Variants in MAGI1 observed in about 807,000 individuals in gnomAD.
The protein encoded by MAGI1 is membrane-associated guanylate kinase, WW and PDZ domain-containing protein 1.
In MAGI1, 58 loss-of-function variants were observed where a neutral mutation model predicts 139.9. The observed-to-expected ratio is 0.41, with a 90% CI of 0.34 to 0.52. MAGI1 has a LOEUF of 0.52. MAGI1 is among the 20% of genes least tolerant of loss of function. The probability of loss-of-function intolerance (pLI) is 0.12; values close to 1 mark genes in which losing one functional copy is unlikely to be tolerated. For missense variants in MAGI1, 1,874 were observed against 1,901.6 expected (o/e 0.99, Z 0.27); for synonymous variants, 812 against 737.9 (o/e 1.10, Z -1.63).
chr3:65,494,754 A>G (rs1191253486), intron 2 of MAGI1, among the ~76,000 whole-genome samples: 2 of 152,260 alleles, frequency 1.3e-5, no homozygotes, highest in African/African-American at 2.4e-5. Flanking sequence ...AGCACTGTGC[A>G]GTCTCTGATC....
At chr3:65,869,210 C>T (rs368667416) in intron 1 of MAGI1, among the ~76,000 whole-genome samples, 86 of 145,298 alleles carry the variant, frequency 5.9e-4, no homozygotes, top group African/African-American at 2.0e-3. Context: ...GAGCCGAGAT[C>T]GCGCCACTGC....
intron 1 of MAGI1, among the ~76,000 whole-genome samples, chr3:66,026,566 T>C (rs145427379): frequency 1.3e-5 from 2 of 151,528 alleles, no homozygotes; most frequent in East Asian, 1.9e-4. Context: ...AATAAGGATG[T>C]TGCCTTCAAG....
chr3:65,811,855 T>C (rs1411742696), intron 1 of MAGI1, among the ~76,000 whole-genome samples: 1 of 152,178 alleles, frequency 6.6e-6, no homozygotes, highest in Admixed American at 6.5e-5. Context: ...AGCTAGTCAT[T>C]ACCAGCTAGT....
intron 2 of MAGI1, among the ~76,000 whole-genome samples, chr3:65,510,108 G>C (rs371179460): frequency 6.6e-6 from 1 of 152,240 alleles, no homozygotes; most frequent in South Asian, 2.1e-4. Context: ...CTGTTAGAAG[G>C]AAAACTAACA....
chr3:65,597,852 C>T, intron 2 of MAGI1: 3 of 455,252 alleles, frequency 6.6e-6, no homozygotes, highest in Non-Finnish European at 1.3e-5. Context: ...TTAATCCTTC[C>T]CTTTGTGAGC....
At chr3:65,400,032 C>T (rs373837887) in intron 13 of MAGI1, among the ~76,000 whole-genome samples, 4 of 152,182 alleles carry the variant, frequency 2.6e-5, no homozygotes, top group East Asian at 1.9e-4. Context: ...AAGGAGGGTT[C>T]GTGCTAACTC....
intron 1 of MAGI1, among the ~76,000 whole-genome samples, chr3:66,028,663 C>A (rs1443490635): frequency 6.6e-6 from 1 of 152,148 alleles, no homozygotes; most frequent in Non-Finnish European, 1.5e-5. Flanking sequence ...TCCCTCCACA[C>A]TACCACAACC....
intron 5 of MAGI1, among the ~76,000 whole-genome samples, chr3:65,469,222 T>C (rs1447472969): frequency 1.3e-5 from 2 of 152,206 alleles, no homozygotes; most frequent in African/African-American, 4.8e-5. Flanking sequence ...ATCCTTCTCA[T>C]AGTTTTCTGC....
At chr3:65,909,365 A>G (rs1180971820) in intron 1 of MAGI1, among the ~76,000 whole-genome samples, 2 of 151,868 alleles carry the variant, frequency 1.3e-5, no homozygotes, top group Non-Finnish European at 2.9e-5. Flanking sequence ...ATCTCTACAA[A>G]AAAAAAAAAA....
chr3:65,869,407 T>C (rs931570554), intron 1 of MAGI1, among the ~76,000 whole-genome samples: 2 of 142,790 alleles, frequency 1.4e-5, no homozygotes, highest in Non-Finnish European at 3.1e-5. Flanking sequence ...GTTGTTGTTG[T>C]TGTTGTTGTT....
At chr3:66,016,941 G>C (rs1258132153) in intron 1 of MAGI1, among the ~76,000 whole-genome samples, 1 of 152,112 alleles carries the variant, frequency 6.6e-6, no homozygotes, top group Non-Finnish European at 1.5e-5. Flanking sequence ...ATCTGGAGTA[G>C]TCAAATTCAC....
At chr3:65,447,128 T>TA (rs1231479534) in intron 7 of MAGI1, among the ~76,000 whole-genome samples, 1 of 152,214 alleles carries the variant, frequency 6.6e-6, no homozygotes, top group African/African-American at 2.4e-5. Context: ...ATCTTCTACT[T>TA]AAACAATCTT....
At chr3:65,359,351 T>C in intron 22 of MAGI1, 1 of 1,370,418 alleles carries the variant, frequency 7.3e-7, no homozygotes, top group Non-Finnish European at 9.4e-7. Flanking sequence ...GAGACCGCAA[T>C]CGGAACAGTG....
intron 1 of MAGI1, among the ~76,000 whole-genome samples, chr3:65,699,639 A>G (rs1268285991): frequency 6.7e-6 from 1 of 148,692 alleles, no homozygotes; most frequent in Non-Finnish European, 1.5e-5. Context: ...AAAAAACCAA[A>G]CACCTCATAT....
At chr3:66,025,527 G>C (rs1432705372) in intron 1 of MAGI1, among the ~76,000 whole-genome samples, 1 of 152,078 alleles carries the variant, frequency 6.6e-6, no homozygotes, top group Non-Finnish European at 1.5e-5. Flanking sequence ...GAGAAGTAAG[G>C]CTCTGTCTCA....
intron 1 of MAGI1, among the ~76,000 whole-genome samples, chr3:65,688,713 A>G (rs959220822): frequency 2.0e-5 from 3 of 152,198 alleles, no homozygotes; most frequent in African/African-American, 7.2e-5. Flanking sequence ...TATGACATTC[A>G]TCTACAATGA....
intron 1 of MAGI1, among the ~76,000 whole-genome samples, chr3:65,780,031 A>G (rs1388048544): frequency 2.3e-5 from 3 of 130,698 alleles, no homozygotes; most frequent in Admixed American, 7.8e-5. Flanking sequence ...TTGGGGGGGG[A>G]AGGGCAGGGG....
intron 8 of MAGI1, among the ~76,000 whole-genome samples, chr3:65,440,824 CATGTATACATATACATATATACAT>C (rs1159280295): frequency 6.4e-5 from 8 of 125,964 alleles, no homozygotes; most frequent in African/African-American, 2.0e-4. Context: ...TATATGTGTA[CATGTATACATATACATATATACAT>C]ATGTATACAT....
chr3:65,503,189 A>G (rs2077152950), intron 2 of MAGI1, among the ~76,000 whole-genome samples: 1 of 152,194 alleles, frequency 6.6e-6, no homozygotes, highest in Non-Finnish European at 1.5e-5. Flanking sequence ...TTGATGCCTC[A>G]TTGTAAATGA....
Sources: allele counts gnomAD v4.1 joint callset (sites outside exome capture counted in the v4.1 genomes callset), GRCh38; gene constraint gnomAD v4.1.1; transcripts MANE v1.5; gene names NCBI Gene and HGNC (gene_info 2026-07-23, HGNC 2026-07-21).